MCC: variants seen among roughly 807,000 people sequenced by gnomAD.
MCC encodes the protein MCC regulator of Wnt signaling pathway.
Under a neutral mutation model 116.2 loss-of-function variants are expected in MCC, and 90 were observed. The ratio of observed to expected loss-of-function variants is 0.77; its 90% CI spans 0.65 to 0.92. The LOEUF is 0.92. MCC is among the 40% of genes least tolerant of loss of function. MCC has a pLI of 0.00. For missense variants in MCC, 1,516 were observed against 1,312.2 expected (o/e 1.16, Z -2.40); for synonymous variants, 578 against 510.5 (o/e 1.13, Z -1.78).
intron 1 of MCC, among the ~76,000 whole-genome samples, chr5:113,409,042 T>C (rs1157445432): frequency 1.3e-5 from 2 of 152,218 alleles, no homozygotes; most frequent in Non-Finnish European, 2.9e-5. Flanking sequence ...GAGTAATAAA[T>C]GCCAATTTAT....
chr5:113,366,360 C>A (rs1768687954), intron 2 of MCC, among the ~76,000 whole-genome samples: 1 of 151,486 alleles, frequency 6.6e-6, no homozygotes, highest in Non-Finnish European at 1.5e-5. Flanking sequence ...TGTGTGTAGT[C>A]TCTTTATATA....
At position 113,249,782 on chromosome 5, in the gene MCC, T is replaced by C. The variant is rs138418276; in HGVS notation, c.627+90737A>G. On this transcript the variant is annotated intron_variant, in intron 3 of 18. Transcript: ENST00000408903. ...TCACCCAGGACCAGGGCAGGACAAATGTATCAGACAGACGAAGTTGGCCTT... is the reference window on the plus strand; with the variant it reads ...TCACCCAGGACCAGGGCAGGACAAACGTATCAGACAGACGAAGTTGGCCTT... Among the ~76,000 whole-genome samples, 256 of 152,306 alleles carry C rather than the reference T, an allele frequency of 1.7e-3. 2 individuals are homozygous for C. Among genetic ancestry groups the C allele is most frequent in the African/African-American group, 5.8e-3 (243 of 41,566 alleles).
chr5:113,450,121 C>T (rs1223361405), intron 1 of MCC, among the ~76,000 whole-genome samples: 1 of 152,096 alleles, frequency 6.6e-6, no homozygotes, highest in Non-Finnish European at 1.5e-5. Context: ...TCCACACTCC[C>T]CTAAGTCTCT....
chr5:113,452,800 T>C (rs968221971), intron 1 of MCC, among the ~76,000 whole-genome samples: 1 of 152,244 alleles, frequency 6.6e-6, no homozygotes, highest in Non-Finnish European at 1.5e-5. Context: ...TGCAGGTGCA[T>C]GCACAGGTGC....
At chr5:113,254,243 AT>A (rs1410055222) in intron 3 of MCC, among the ~76,000 whole-genome samples, 1 of 152,214 alleles carries the variant, frequency 6.6e-6, no homozygotes, top group Non-Finnish European at 1.5e-5. Context: ...ATGAGGACGG[AT>A]AAGCAGAGGC....
chr5:113,234,599 A>G (rs974424221), intron 3 of MCC: 1 of 152,162 alleles, frequency 6.6e-6, no homozygotes, highest in African/African-American at 2.4e-5. Flanking sequence ...CTCTATCTCT[A>G]CCCATAGTTT....
intron 3 of MCC, among the ~76,000 whole-genome samples, chr5:113,235,366 C>T (rs763501527): frequency 1.3e-5 from 2 of 152,202 alleles, no homozygotes; most frequent in Non-Finnish European, 2.9e-5. Context: ...TTCCATATTA[C>T]TTCCCCAAAG....
chr5:113,074,189 G>A (rs545915114), intron 11 of MCC, among the ~76,000 whole-genome samples: 55 of 152,344 alleles, frequency 3.6e-4, no homozygotes, highest in African/African-American at 1.3e-3. Flanking sequence ...AGCTTCCAGA[G>A]GAAGGATCAG....
chr5:113,279,197 T>C (rs1178761950), intron 3 of MCC, among the ~76,000 whole-genome samples: 2 of 152,152 alleles, frequency 1.3e-5, no homozygotes, highest in Non-Finnish European at 2.9e-5. Flanking sequence ...AGACACTACA[T>C]CAGCCTCATC....
chr5:113,423,318 T>C lies in MCC; in HGVS notation c.171-38106A>G, dbSNP rs138978628. Among the ~76,000 whole-genome samples, 135 of 152,350 alleles carry C rather than the reference T, an allele frequency of 8.9e-4. No homozygotes were observed. In the East Asian group the frequency reaches 0.019, roughly 22 times the overall value. ...TTTGTTCAGGCATGAGTGACAGTGC[T>C]GTTGGCCATGAGCTCAATGTTAATG... On this transcript the variant is annotated intron_variant, in intron 1 of 18. Transcript: ENST00000408903.
At chr5:113,287,080 G>A (rs1013623871) in intron 3 of MCC, among the ~76,000 whole-genome samples, 6 of 147,318 alleles carry the variant, frequency 4.1e-5, no homozygotes, top group African/African-American at 1.5e-4. Flanking sequence ...GCAGATATAT[G>A]GGGGAGGAAA....
At chr5:113,048,772 A>G (rs1752285305) in intron 16 of MCC, 1 of 469,570 alleles carries the variant, frequency 2.1e-6, no homozygotes, top group Non-Finnish European at 3.7e-6. Context: ...CCAACAAATG[A>G]GGGCTGCCGT....
chr5:113,460,561 C>T (rs1319622776), intron 1 of MCC, among the ~76,000 whole-genome samples: 1 of 152,226 alleles, frequency 6.6e-6, no homozygotes, highest in East Asian at 1.9e-4. Flanking sequence ...CTGTGGGGAA[C>T]TGTGTGGGCC....
At chr5:113,297,681 G>A (rs1766747405) in intron 3 of MCC, among the ~76,000 whole-genome samples, 2 of 149,736 alleles carry the variant, frequency 1.3e-5, no homozygotes, top group African/African-American at 2.5e-5. Context: ...TGAACCAGGA[G>A]GCAGATGTTG....
intron 1 of MCC, chr5:113,433,368 G>A (rs1770726383): frequency 2.2e-6 from 1 of 465,054 alleles, no homozygotes; most frequent in East Asian, 6.0e-5. Flanking sequence ...ATGAAAGGAG[G>A]ATAAATGGTG....
intron 6 of MCC, among the ~76,000 whole-genome samples, chr5:113,106,728 A>AT (rs1390684445): frequency 2.0e-5 from 3 of 152,016 alleles, no homozygotes; most frequent in African/African-American, 7.3e-5. Flanking sequence ...ATCAGCTCAT[A>AT]TTTTTATTTT....
At chr5:113,067,170 G>A (rs1580974074) in intron 13 of MCC, among the ~76,000 whole-genome samples, 1 of 152,168 alleles carries the variant, frequency 6.6e-6, no homozygotes, top group South Asian at 2.1e-4. Context: ...AAGTGAGCAG[G>A]CAGTGCAGAT....
chr5:113,328,740 A>G (rs919880209), intron 3 of MCC, among the ~76,000 whole-genome samples: 1 of 152,166 alleles, frequency 6.6e-6, no homozygotes, highest in Non-Finnish European at 1.5e-5. Flanking sequence ...AATATCTCAT[A>G]CAAAATCAGA....
At chr5:113,449,709 G>C (rs1403206160) in intron 1 of MCC, among the ~76,000 whole-genome samples, 2 of 152,190 alleles carry the variant, frequency 1.3e-5, no homozygotes, top group African/African-American at 2.4e-5. Flanking sequence ...TGTTATAGCT[G>C]TTACATCCCA....
Sources: gnomAD v4.1 joint callset for allele counts (sites outside exome capture counted in the v4.1 genomes callset) on GRCh38, gnomAD v4.1.1 for gene constraint, MANE v1.5 for transcripts, NCBI Gene and HGNC (gene_info 2026-07-23, HGNC 2026-07-21) for gene names.